Variants in DNAH9 observed in about 807,000 individuals in gnomAD.
DNAH9 encodes the protein DNAH9 variant protein.
In DNAH9, 345 loss-of-function variants were observed where a neutral mutation model predicts 471.6. The observed-to-expected ratio is 0.73, with a 90% CI of 0.67 to 0.80. The LOEUF (loss-of-function observed/expected upper bound fraction) is 0.80. Ranked by LOEUF, DNAH9 falls within the 30% of genes least tolerant of loss-of-function variation. The probability of loss-of-function intolerance (pLI) is 0.00; values close to 1 mark genes in which losing one functional copy is unlikely to be tolerated. For missense variants in DNAH9, 5,407 were observed against 5,609.2 expected (o/e 0.96, Z 1.15); for synonymous variants, 2,093 against 2,123.6 (o/e 0.99, Z 0.40).
At chr17:11,683,670 T>A (rs1363014703) in intron 19 of DNAH9, among the ~76,000 whole-genome samples, 2 of 152,182 alleles carry the variant, frequency 1.3e-5, no homozygotes, top group African/African-American at 4.8e-5. Context: ...TCATTTTATT[T>A]TTATTTGATA....
intron 33 of DNAH9, among the ~76,000 whole-genome samples, chr17:11,754,159 C>G (rs1257516087): frequency 6.6e-6 from 1 of 151,566 alleles, no homozygotes. Context: ...AACATGATCT[C>G]ATTATTTTTA....
At chr17:11,719,203 G>A in intron 26 of DNAH9, 131 bp from the exon 27 acceptor site, 1 of 838,098 alleles carries the variant, frequency 1.2e-6, no homozygotes, top group Non-Finnish European at 1.8e-6. Flanking sequence ...GTGCTGTGGG[G>A]AGCGGGAAAA....
chr17:11,811,747 C>G (rs980396064), intron 45 of DNAH9, among the ~76,000 whole-genome samples: 1 of 151,944 alleles, frequency 6.6e-6, no homozygotes, highest in Non-Finnish European at 1.5e-5. Flanking sequence ...TGGCAATAAG[C>G]ATCTTCCGTC....
chr17:11,836,431 AG>A (rs1236283336), intron 49 of DNAH9, among the ~76,000 whole-genome samples: 2 of 152,234 alleles, frequency 1.3e-5, no homozygotes, highest in Non-Finnish European at 2.9e-5. Context: ...AGGGTGTCCA[AG>A]ACCAGTAAAG....
chr17:11,700,900 A>G (rs2074581907), intron 23 of DNAH9, among the ~76,000 whole-genome samples: 2 of 152,066 alleles, frequency 1.3e-5, no homozygotes, highest in South Asian at 4.2e-4. Context: ...GCATATTCCA[A>G]ATGCACACAT....
chr17:11,622,793 T>C (rs186896680), intron 6 of DNAH9, among the ~76,000 whole-genome samples: 38 of 152,214 alleles, frequency 2.5e-4, no homozygotes, highest in Non-Finnish European at 4.7e-4. Context: ...GCTTTCTGAA[T>C]CAAGGGCACA....
intron 50 of DNAH9, among the ~76,000 whole-genome samples, chr17:11,860,245 CTCTT>C (rs1294652522): frequency 5.3e-5 from 8 of 152,302 alleles, no homozygotes; most frequent in African/African-American, 1.9e-4. Flanking sequence ...CCTTTATTGT[CTCTT>C]TCTCTTGCAT....
At chr17:11,605,356 A>G (rs752105919) in intron 1 of DNAH9, among the ~76,000 whole-genome samples, 4 of 152,304 alleles carry the variant, frequency 2.6e-5, no homozygotes, top group Non-Finnish European at 4.4e-5. Flanking sequence ...AAGCTTCATG[A>G]GGTCAGAAAT....
rs2074314805 is a variant in DNAH9, at chr17:11,690,393, G to A, written c.4571G>A (p.Ser1524Asn). Residue 1524 changes from serine to asparagine, a missense_variant, in exon 20 of 69, where the codon AGC becomes AAC. Around this residue, in one of 3 missense-constraint regions of DNAH9, gnomAD observed 4,636 missense variants for 4,900.3 expected, o/e 0.95. Coordinates refer to ENST00000262442, the MANE Select transcript of DNAH9 (RefSeq NM_001372.4). Reference sequence around the variant, plus strand: ...CAGCGAACATGGACTCACCTGGAAAGCATATTCACTGGATCTGAAGATATT... The same window carrying A: ...CAGCGAACATGGACTCACCTGGAAAACATATTCACTGGATCTGAAGATATT... Reference protein sequence around the residue: ...EVQRTWTHLESIFTGSEDIRA... With the variant: ...EVQRTWTHLENIFTGSEDIRA... 5.6e-6 allele frequency: 9 copies of A among 1,614,176 alleles called. No homozygotes were observed. The highest frequency in any genetic ancestry group is 7.6e-6 in the Non-Finnish European group (9 of 1,180,020).
rs61742982 is a variant in DNAH9 at position 11,883,666 on chromosome 17, C to T, written c.10887C>T (p.Ser3629=). The T allele has an allele frequency of 0.01, 16,413 of 1,614,064 alleles. 376 individuals are homozygous for T. Among genetic ancestry groups the T allele is most frequent in the African/African-American group, 0.086 (6,444 of 74,990 alleles). Residue 3629 remains serine, a synonymous_variant, in exon 56 of 69, where the codon TCC becomes TCT. Transcript: ENST00000262442. ...LEDSLLSRLS[S]ASGNFLGETV... ...ACAGTCTTCTCTCTCGCCTCTCCTC[C>T]GCCTCTGGGAACTTCCTGGGAGAAA...
intron 67 of DNAH9, among the ~76,000 whole-genome samples, chr17:11,948,127 G>A (rs1975206715): frequency 1.3e-5 from 2 of 151,656 alleles, no homozygotes; most frequent in South Asian, 4.2e-4. Flanking sequence ...TGCTTCAGTG[G>A]TTGATTGCCC....
At position 11,677,688 on chromosome 17, in the gene DNAH9, ATTC is replaced by A. The variant is rs1338825408; in HGVS notation, c.3354-2066_3354-2064del. On this transcript the variant is annotated intron_variant, in intron 17 of 68. Coordinates refer to ENST00000262442, the MANE Select transcript of DNAH9 (RefSeq NM_001372.4). ...TTTTATTATGTTCTTTTAGTTTGCT[ATTC>A]TTTTTCTTTTTCATTGACTTCCTTT... Among the ~76,000 whole-genome samples, 7 of 152,114 alleles carry A rather than the reference ATTC, an allele frequency of 4.6e-5. No homozygotes were observed. The South Asian group carries it at 1.4e-3, about 32-fold the overall frequency.
intron 53 of DNAH9, among the ~76,000 whole-genome samples, chr17:11,876,137 T>G (rs1042829669): frequency 2.6e-5 from 4 of 152,140 alleles, no homozygotes; most frequent in Non-Finnish European, 4.4e-5. Context: ...TGATGGAAAT[T>G]TGGCACTCGT....
intron 48 of DNAH9, among the ~76,000 whole-genome samples, chr17:11,828,344 G>A (rs1970573598): frequency 6.6e-6 from 1 of 151,982 alleles, no homozygotes; most frequent in Non-Finnish European, 1.5e-5. Flanking sequence ...ATGGTGGCAT[G>A]CGCCTGTAAT....
At chr17:11,753,045 A>G in intron 33 of DNAH9, 85 bp downstream of exon 33, 1 of 1,144,954 alleles carries the variant, frequency 8.7e-7, no homozygotes, top group East Asian at 2.6e-5. Flanking sequence ...TTGCAAATCT[A>G]GATTCCACAT....
intron 54 of DNAH9, among the ~76,000 whole-genome samples, chr17:11,880,693 G>T (rs889661794): frequency 2.8e-4 from 42 of 152,206 alleles, no homozygotes; most frequent in African/African-American, 1.0e-3. Context: ...TCGTATGAAG[G>T]GCAGAGTAAT....
intron 45 of DNAH9, among the ~76,000 whole-genome samples, chr17:11,821,399 C>G (rs930431303): frequency 2.0e-5 from 3 of 152,082 alleles, no homozygotes; most frequent in South Asian, 2.1e-4. Flanking sequence ...TTTAAGGCGT[C>G]CTGCTTATCA....
At chr17:11,748,482 C>T (rs1966994472) in intron 32 of DNAH9, among the ~76,000 whole-genome samples, 2 of 152,056 alleles carry the variant, frequency 1.3e-5, no homozygotes, top group Admixed American at 1.3e-4. Flanking sequence ...AGAAGTGGTG[C>T]AGTCTGGCAT....
At chr17:11,622,682 C>CGCCT (rs2150661348) in intron 6 of DNAH9, among the ~76,000 whole-genome samples, 1 of 152,244 alleles carries the variant, frequency 6.6e-6, no homozygotes, top group African/African-American at 2.4e-5. Flanking sequence ...AACATCAGGG[C>CGCCT]GCCTAATCTG....
Sources: gnomAD v4.1 joint callset for allele counts (sites outside exome capture counted in the v4.1 genomes callset) on GRCh38, gnomAD v4.1.1 for gene constraint, gnomAD v4.1.1 regional missense constraint, MANE v1.5 for transcripts, NCBI Gene and HGNC (gene_info 2026-07-23, HGNC 2026-07-21) for gene names.